The following DHRS1 variants were observed in gnomAD, a reference collection of about 807,000 sequenced individuals.
DHRS1 encodes the protein dehydrogenase/reductase 1.
Under a neutral mutation model 35.2 loss-of-function variants are expected in DHRS1, and 34 were observed. The ratio of observed to expected loss-of-function variants is 0.97; its 90% CI spans 0.74 to 1.29. The LOEUF is 1.29. Among genes scored for constraint, DHRS1 ranks in the 50% most tolerant of loss-of-function variants. DHRS1 has a pLI of 0.00. For synonymous variants in DHRS1, 133 were observed against 160.0 expected (o/e 0.83, Z 1.27); for missense variants, 354 against 403.6 (o/e 0.88, Z 1.05).
At position 24,296,854 on chromosome 14, in the gene DHRS1, G is replaced by A. The variant is rs752516822; in HGVS notation, c.178C>T (p.Pro60Ser). Reference sequence around the variant, plus strand: ...TCCTGGCTTGAATCGCACACCACAGGCACACATTGGCCCCCGAGGGATTGT... The same window carrying A: ...TCCTGGCTTGAATCGCACACCACAGACACACATTGGCCCCCGAGGGATTGT... ...EAQSLGGQCV[P>S]VVCDSSQESE... Residue 60 changes from proline (P) to serine (S), a missense_variant, in exon 3 of 9, where the codon CCT becomes TCT. Pro to Ser is a moderately conservative substitution (Grantham distance 74). Coordinates refer to ENST00000288111, the MANE Select transcript of DHRS1 (RefSeq NM_001136050.3). 1.3e-5 allele frequency: 21 copies of A among 1,614,096 alleles called. No homozygotes were observed. Among genetic ancestry groups the A allele is most frequent in the East Asian group, 2.2e-5 (1 of 44,906 alleles).
At chr14:24,292,608 C>T (rs1282766950) in intron 5 of DHRS1, 44 bp downstream of exon 5, 7 of 1,613,994 alleles carry the variant, frequency 4.3e-6, no homozygotes, top group African/African-American at 2.7e-5. Context: ...TAGGTAACAT[C>T]ACTGTCTTTT....
chr14:24,296,765 C>G lies in DHRS1; in HGVS notation c.267G>C (p.Leu89=). 1.9e-6 allele frequency: 3 copies of G among 1,614,166 alleles called. No individual in the cohort carries two copies. Among genetic ancestry groups the G allele is most frequent in the Non-Finnish European group, 2.5e-6 (3 of 1,180,030 alleles). ...GGACCCCTGCATAAGCATTGTTGACCAGCACATCTAGACGCCCTTGCTGTT... is the reference window on the plus strand; with the variant it reads ...GGACCCCTGCATAAGCATTGTTGACGAGCACATCTAGACGCCCTTGCTGTT... The part of the protein sequence containing the change: ...DREQQGRLDV[L]VNNAYAGVQT... The change falls in exon 3 of 9, where the codon CTG becomes CTC. Residue 89 remains leucine (L), a synonymous_variant. Transcript: ENST00000288111.
rs369620999 is a variant in DHRS1 at position 24,296,771 on chromosome 14, A to G, written c.261T>C (p.Asp87=). The G allele has an allele frequency of 1.9e-6, 3 of 1,614,114 alleles. No individual in the cohort carries two copies. The South Asian group carries it at 3.3e-5, about 18-fold the overall frequency. Reference sequence around the variant, plus strand: ...CTGCATAAGCATTGTTGACCAGCACATCTAGACGCCCTTGCTGTTCCCGAT... The same window carrying G: ...CTGCATAAGCATTGTTGACCAGCACGTCTAGACGCCCTTGCTGTTCCCGAT... ...QVDREQQGRL[D]VLVNNAYAGV... is the part of the protein sequence containing the mutation. Residue 87 remains aspartate, a synonymous_variant, in exon 3 of 9, where the codon GAT becomes GAC. Transcript: ENST00000288111.
chr14:24,298,910 C>T (rs1363134584), intron 2 of DHRS1, 47 bp downstream of exon 2: 26 of 1,560,232 alleles, frequency 1.7e-5, no homozygotes, highest in Non-Finnish European at 2.3e-5. Context: ...AGTGGAAGGG[C>T]TCTCTCGGGT....
chr14:24,296,733 G>A lies in DHRS1; in HGVS notation c.294+5C>T. ...GTGGAGTTGGGAACAAAGTTCAAAGGGTACCTGGACCCCTGCATAAGCATT... is the reference window on the plus strand; with the variant it reads ...GTGGAGTTGGGAACAAAGTTCAAAGAGTACCTGGACCCCTGCATAAGCATT... On this transcript the variant is annotated splice_donor_5th_base_variant and intron_variant, in intron 3 of 8. Coordinates refer to ENST00000288111, the MANE Select transcript of DHRS1 (RefSeq NM_001136050.3). The A allele has an allele frequency of 1.2e-6, 2 of 1,614,158 alleles. No individual in the cohort carries two copies. Among genetic ancestry groups the A allele is most frequent in the East Asian group, 2.2e-5 (1 of 44,882 alleles).
In DHRS1 at chr14:24,290,942, C is replaced by A. The variant is rs778570755; in HGVS notation, c.859G>T (p.Gly287Cys). The A allele has an allele frequency of 6.2e-7, 1 of 1,613,862 alleles. No individual in the cohort carries two copies. Among genetic ancestry groups the A allele is most frequent in the Admixed American group, 1.7e-5 (1 of 59,976 alleles). The stretch of plus-strand genomic sequence containing the variant: ...AGGTAGGAGGCCAGCCAGCCCAGGC[C>A]GGACACGTGTGAGAGAACAGAGCTC... ...SLSSVLSHVS[G>C]LGWLASYLPS... The change falls in exon 9 of 9, where the codon GGC becomes TGC. Residue 287 changes from glycine (G) to cysteine (C), a missense_variant. Transcript: ENST00000288111.
In DHRS1 at chr14:24,291,779, G is replaced by A. The variant is rs982941271; in HGVS notation, c.655-154C>T. The stretch of plus-strand genomic sequence containing the variant: ...CCTGTAGGACCCAAAGTATTGGCAG[G>A]TGCCAGAGCCACTCCTCCCCACATC... On this transcript the variant is annotated intron_variant, in intron 6 of 8. Coordinates refer to ENST00000288111, the MANE Select transcript of DHRS1 (RefSeq NM_001136050.3). The A allele has an allele frequency of 8.6e-5, 64 of 747,092 alleles. No individual in the cohort carries two copies. The East Asian group carries it at 1.7e-3, about 19-fold the overall frequency. The allele number at this position is 747,092 out of a possible 1,614,324, so 46.3% of individuals were successfully genotyped here. A position where few individuals can be genotyped will look rare whatever the true frequency, so the allele number is the denominator to read the frequency against.
At chr14:24,296,364 A>G in intron 4 of DHRS1, 145 bp downstream of exon 4, 1 of 766,214 alleles carries the variant, frequency 1.3e-6, no homozygotes, top group Non-Finnish European at 2.2e-6. Context: ...ACTTCTCCAG[A>G]GGTAAGTGGG....
At position 24,290,692 on chromosome 14, in the gene DHRS1, G is replaced by A; in HGVS notation, c.*167C>T. On this transcript the variant is annotated 3_prime_UTR_variant, in exon 9 of 9. Coordinates refer to ENST00000288111, the MANE Select transcript of DHRS1 (RefSeq NM_001136050.3). The stretch of plus-strand genomic sequence containing the variant: ...AGGACAAGGAAAACCAAGGCACAAA[G>A]AAGGGACCTAGGCGCACCCCAGAAC... 1.4e-6 allele frequency: 1 copy of A among 731,484 alleles called. No individual in the cohort carries two copies. The highest frequency in any genetic ancestry group is 4.0e-4 in the Middle Eastern group (1 of 2,470). The allele number at this position is 731,484 out of a possible 1,614,324, so 45.3% of individuals were successfully genotyped here.
rs200550478 is a variant in DHRS1, at chr14:24,292,293, C to T, written c.545G>A (p.Arg182Gln). The change falls in exon 6 of 9, where the codon CGG becomes CAG. Residue 182 changes from arginine (R) to glutamine (Q), a missense_variant. By Grantham distance (43) the Arg-to-Gln change is conservative. Coordinates refer to ENST00000288111, the MANE Select transcript of DHRS1 (RefSeq NM_001136050.3). ...AGACACACAGCTGACCCCATGGCGC[C>T]GCAGCTCGTGGGCACAGTCAGCAGC... ...KLAADCAHEL[R>Q]RHGVSCVSLW... The T allele has an allele frequency of 9.9e-6, 16 of 1,614,066 alleles. No homozygotes were observed. The highest frequency in any genetic ancestry group is 1.6e-4 in the Middle Eastern group (1 of 6,062).
intron 7 of DHRS1, 147 bp downstream of exon 7, chr14:24,291,409 G>T: frequency 9.3e-7 from 1 of 1,076,230 alleles, no homozygotes; most frequent in Non-Finnish European, 1.4e-6. Context: ...ACCTCAAACT[G>T]GGAATGCTGA....
intron 4 of DHRS1, among the ~76,000 whole-genome samples, chr14:24,295,324 A>G (rs761052274): frequency 7.2e-5 from 11 of 152,246 alleles, no homozygotes; most frequent in Non-Finnish European, 1.5e-4. Flanking sequence ...ATTTAAAAAA[A>G]GTAACACACA....
chr14:24,294,589 AAACAACAACAACAACAACAACAAC>A (rs56905533), intron 4 of DHRS1: 13 of 150,326 alleles, frequency 8.6e-5, no homozygotes, highest in Admixed American at 2.6e-4. Context: ...TTCCACCTCA[AAACAACAACAACAACAACAACAAC>A]AACAACAACA....
intron 4 of DHRS1, 108 bp downstream of exon 4, chr14:24,296,401 G>C: frequency 9.4e-7 from 1 of 1,069,110 alleles, no homozygotes; most frequent in South Asian, 1.3e-5. Flanking sequence ...GGAGAAGAAA[G>C]AGATGGGGGA....
At chr14:24,295,604 C>T (rs1030429639) in intron 4 of DHRS1, among the ~76,000 whole-genome samples, 2 of 152,184 alleles carry the variant, frequency 1.3e-5, no homozygotes, top group East Asian at 3.9e-4. Flanking sequence ...GGGTCAAAAC[C>T]CTGGCCAGCA....
chr14:24,296,429 G>A, intron 4 of DHRS1, 80 bp downstream of exon 4: 2 of 1,344,150 alleles, frequency 1.5e-6, no homozygotes, highest in Non-Finnish European at 2.1e-6. Flanking sequence ...GGGAAAAGGA[G>A]AGGGCATGTA....
At chr14:24,297,004 A>T in intron 2 of DHRS1, 123 bp from the exon 3 acceptor site, 3 of 1,362,802 alleles carry the variant, frequency 2.2e-6, no homozygotes, top group Non-Finnish European at 3.0e-6. Flanking sequence ...CCTGCTGCAG[A>T]GGCAACATGG....
chr14:24,297,005 G>C, intron 2 of DHRS1, 124 bp from the exon 3 acceptor site: 1 of 1,337,806 alleles, frequency 7.5e-7, no homozygotes, highest in Non-Finnish European at 1.0e-6. Flanking sequence ...CTGCTGCAGA[G>C]GCAACATGGC....
At chr14:24,294,406 G>A (rs10144194) in intron 4 of DHRS1, 142,441 of 152,162 alleles carry the variant, frequency 0.94, 66,789 homozygotes, top group Non-Finnish European at 0.96. Flanking sequence ...CAGCCAACAC[G>A]GTGAAACCCC....
Sources: gnomAD v4.1 joint callset for allele counts (sites outside exome capture counted in the v4.1 genomes callset) on GRCh38, gnomAD v4.1.1 for gene constraint, MANE v1.5 for transcripts, NCBI Gene and HGNC (gene_info 2026-07-23, HGNC 2026-07-21) for gene names.